The following RAD54L2 variants were observed in gnomAD, a reference collection of about 807,000 sequenced individuals.
RAD54L2 encodes helicase ARIP4.
RAD54L2 carries 27 observed loss-of-function variants against 138.4 expected under a neutral mutation model. The ratio of observed to expected loss-of-function variants is 0.20; its 90% CI spans 0.14 to 0.27. RAD54L2 has a LOEUF of 0.27. Among genes scored for constraint, RAD54L2 ranks in the 10% least tolerant of loss-of-function variants. RAD54L2 has a pLI of 1.00. For missense variants in RAD54L2, 1,396 were observed against 1,890.2 expected, an observed-to-expected ratio of 0.74 and a Z score of 4.85; for synonymous variants, 644 against 723.2, an observed-to-expected ratio of 0.89 and a Z score of 1.76.
intron 2 of RAD54L2, among the ~76,000 whole-genome samples, chr3:51,589,753 G>T (rs1699801478): frequency 6.6e-6 from 1 of 151,804 alleles, no homozygotes; most frequent in Non-Finnish European, 1.5e-5. Context: ...CAGAGAGTTG[G>T]TGCTCAGGAA....
intron 2 of RAD54L2, among the ~76,000 whole-genome samples, chr3:51,571,705 C>T (rs1034686021): frequency 2.0e-5 from 3 of 152,090 alleles, no homozygotes; most frequent in African/African-American, 7.2e-5. Flanking sequence ...GTGGGACATG[C>T]ATAGTCGGTT....
intron 2 of RAD54L2, among the ~76,000 whole-genome samples, chr3:51,583,574 C>T (rs1235124322): frequency 1.3e-5 from 2 of 151,070 alleles, no homozygotes; most frequent in Non-Finnish European, 2.9e-5. Flanking sequence ...CATGTGCCAC[C>T]ACGCCCAGCT....
At chr3:51,657,986 G>T (rs531826088) in intron 21 of RAD54L2, among the ~76,000 whole-genome samples, 1 of 139,194 alleles carries the variant, frequency 7.2e-6, no homozygotes, top group Admixed American at 8.0e-5. Context: ...GTGCAGTTGC[G>T]TGATCTCGGC....
intron 2 of RAD54L2, among the ~76,000 whole-genome samples, chr3:51,575,770 G>A (rs552837360): frequency 3.3e-5 from 5 of 152,170 alleles, no homozygotes; most frequent in East Asian, 1.9e-4. Flanking sequence ...GGTTTTCTAA[G>A]TATACAATCA....
chr3:51,635,718 A>T lies in RAD54L2; in HGVS notation c.1268A>T (p.Lys423Ile), dbSNP rs1395450838. 2 of 1,613,926 alleles carry T rather than the reference A, an allele frequency of 1.2e-6. No homozygotes were observed. Among genetic ancestry groups the T allele is most frequent in the Admixed American group, 3.3e-5 (2 of 60,010 alleles). The change falls in exon 10 of 23, where the codon AAA (lysine) becomes ATA (isoleucine). Residue 423 changes from lysine to isoleucine, a missense_variant. Around this residue, in one of 7 missense-constraint regions of RAD54L2, gnomAD observed 169 missense variants for 235.6 expected, o/e 0.72. Transcript: ENST00000684192. ...TCATTTGCCACAGGTAGACCGAAGA[A>T]AACCAAGAAGCGTTCTCACCCAGTC... ...KKSFATGRPKKTKKRSHPVII... is the reference protein window; with the variant it reads ...KKSFATGRPKITKKRSHPVII...
chr3:51,538,780 G>A lies in RAD54L2; in HGVS notation c.-252G>A, dbSNP rs1217705267. Reference sequence around the variant, plus strand: ...GGCCAGAGCCAGCCCGCGGCGCCCGGGCCTGGCCGGCTGCTTCCCGCCTCA... The same window carrying A: ...GGCCAGAGCCAGCCCGCGGCGCCCGAGCCTGGCCGGCTGCTTCCCGCCTCA... On this transcript the variant is annotated 5_prime_UTR_variant, in exon 1 of 23. Transcript: ENST00000684192. 6.6e-6 allele frequency among the ~76,000 whole-genome samples: 1 copy of A among 151,826 alleles called. No individual in the cohort carries two copies. The highest frequency in any genetic ancestry group is 1.5e-5 in the Non-Finnish European group (1 of 67,932).
intron 2 of RAD54L2, among the ~76,000 whole-genome samples, chr3:51,586,501 G>C (rs1297519510): frequency 6.7e-6 from 1 of 150,060 alleles, no homozygotes; most frequent in Non-Finnish European, 1.5e-5. Flanking sequence ...CATTCAGGTT[G>C]CCTAAAAGTA....
chr3:51,557,522 CTGAG>C (rs1240085229), intron 2 of RAD54L2, among the ~76,000 whole-genome samples: 3 of 151,810 alleles, frequency 2.0e-5, no homozygotes, highest in South Asian at 2.1e-4. Context: ...GACATTGACA[CTGAG>C]TGTTTAATTA....
chr3:51,582,077 T>A (rs1290578856), intron 2 of RAD54L2, among the ~76,000 whole-genome samples: 4 of 152,038 alleles, frequency 2.6e-5, no homozygotes, highest in African/African-American at 7.2e-5. Context: ...GGCTAATTTT[T>A]AAATTTTTTT....
rs756135210 is a variant in RAD54L2 at position 51,645,727 on chromosome 3, A to G, written c.2793A>G (p.Gln931=). The change falls in exon 18 of 23, where the codon CAA becomes CAG. Residue 931 remains glutamine (Q), a synonymous_variant. Coordinates refer to ENST00000684192, the MANE Select transcript of RAD54L2 (RefSeq NM_015106.4). This position sits in a 1 kb window ranked among gnomAD's most constrained non-coding sequence, Gnocchi z 6.1. ...NVKGIKESVL[Q]LACLKYPHLI... is the part of the protein sequence containing the mutation. ...AGGGGATCAAGGAGTCAGTCCTGCA[A>G]CTGGCCTGTCTGAAGTACCCTCACC... 17 of 1,612,890 alleles carry G rather than the reference A, an allele frequency of 1.1e-5. No homozygotes were observed. Among genetic ancestry groups the G allele is most frequent in the East Asian group, 4.5e-5 (2 of 44,860 alleles).
intron 7 of RAD54L2, among the ~76,000 whole-genome samples, chr3:51,632,885 T>A (rs1301654866): frequency 2.1e-5 from 3 of 144,524 alleles, no homozygotes. Context: ...GGAGCAAGAC[T>A]CCGTCTCAAA....
At chr3:51,588,900 A>C in intron 2 of RAD54L2, among the ~76,000 whole-genome samples, 1 of 152,104 alleles carries the variant, frequency 6.6e-6, no homozygotes, top group Non-Finnish European at 1.5e-5. Context: ...TCTTCCTGGA[A>C]CACACTCCCT....
rs867592676 is a variant in RAD54L2 at position 51,557,552 on chromosome 3, T to C, written c.-55+15902T>C. Among the ~76,000 whole-genome samples the C allele has an allele frequency of 2.0e-5, 3 of 151,954 alleles. No individual in the cohort carries two copies. The South Asian group carries it at 6.2e-4, about 31-fold the overall frequency. On this transcript the variant is annotated intron_variant, in intron 2 of 22. Coordinates refer to ENST00000684192, the MANE Select transcript of RAD54L2 (RefSeq NM_015106.4). ...TGTTTAATTAATAAGAACATTCTTA[T>C]GTTCTTATTAATTACACGCCTGTAA...
chr3:51,633,862 G>T (rs1201119780), intron 8 of RAD54L2, 40 bp from the exon 9 acceptor site: 2 of 1,607,518 alleles, frequency 1.2e-6, no homozygotes, highest in East Asian at 4.5e-5. Context: ...CTCTGAGTTT[G>T]TTCCATAAAA....
intron 2 of RAD54L2, among the ~76,000 whole-genome samples, chr3:51,580,592 A>G (rs1699584900): frequency 6.6e-6 from 1 of 152,030 alleles, no homozygotes; most frequent in Non-Finnish European, 1.5e-5. Flanking sequence ...TATTAGCATA[A>G]ACTCTGGTGT....
chr3:51,558,273 A>G lies in RAD54L2; in HGVS notation c.-55+16623A>G, dbSNP rs186983215. Among the ~76,000 whole-genome samples, 210 of 152,298 alleles carry G rather than the reference A, an allele frequency of 1.4e-3. 1 individual carries two copies. The highest frequency in any genetic ancestry group is 1.1e-3 in the Non-Finnish European group (72 of 68,024). ...CACCAGAGACGTGTGACCTGCCCTT[A>G]TCTGTCAGTTGGCTCCTGTTTTAAA... On this transcript the variant is annotated intron_variant, in intron 2 of 22. Transcript: ENST00000684192.
rs949372299 is a variant in RAD54L2 at position 51,659,231 on chromosome 3, G to A, written c.3317-795G>A. Among the ~76,000 whole-genome samples, 6 of 148,138 alleles carry A rather than the reference G, an allele frequency of 4.1e-5. No homozygotes were observed. In the South Asian group the frequency reaches 1.1e-3, roughly 27 times the overall value. On this transcript the variant is annotated intron_variant, in intron 21 of 22. Coordinates refer to ENST00000684192, the MANE Select transcript of RAD54L2 (RefSeq NM_015106.4). Reference sequence around the variant, plus strand: ...TGCCATTCTCCTGCCTCAGCCTCCCGAGTAGCTGGGACTACAGGCGCCCAC... The same window carrying A: ...TGCCATTCTCCTGCCTCAGCCTCCCAAGTAGCTGGGACTACAGGCGCCCAC...
intron 2 of RAD54L2, among the ~76,000 whole-genome samples, chr3:51,570,171 A>T (rs1205325356): frequency 1.6e-5 from 2 of 123,788 alleles, no homozygotes; most frequent in African/African-American, 3.2e-5. Context: ...TTTGAGACAG[A>T]GTCTCACTCT....
At position 51,662,988 on chromosome 3, in the gene RAD54L2, C is replaced by T; in HGVS notation, c.3972C>T (p.Pro1324=). 4 of 1,614,010 alleles carry T rather than the reference C, an allele frequency of 2.5e-6. No individual in the cohort carries two copies. Among genetic ancestry groups the T allele is most frequent in the Non-Finnish European group, 3.4e-6 (4 of 1,179,882 alleles). Residue 1324 remains proline, a synonymous_variant, in exon 23 of 23, where the codon CCC becomes CCT. Transcript: ENST00000684192. The surrounding 1 kb of genome is among the most constrained non-coding windows in gnomAD (Gnocchi z 4.6). ...ACTCCCTGTTTATGGGCAGTACCCCCTCCTACTACCAGCTGTCCAATTTGC... is the reference window on the plus strand; with the variant it reads ...ACTCCCTGTTTATGGGCAGTACCCCTTCCTACTACCAGCTGTCCAATTTGC... ...GENSLFMGST[P]SYYQLSNLLA... is the part of the protein sequence containing the mutation.
Sources: allele counts gnomAD v4.1 joint callset (sites outside exome capture counted in the v4.1 genomes callset), GRCh38; gene constraint gnomAD v4.1.1; regional missense constraint gnomAD v4.1.1; non-coding constraint Gnocchi (gnomAD v3.1); transcripts MANE v1.5; gene names NCBI Gene and HGNC (gene_info 2026-07-23, HGNC 2026-07-21).